The following GRK3 variants were observed in gnomAD, a reference collection of about 807,000 sequenced individuals.
The protein encoded by GRK3 is adrenergic, beta, receptor kinase 2.
Under a neutral mutation model 95.7 loss-of-function variants are expected in GRK3, and 54 were observed. The observed-to-expected ratio is 0.56, with a 90% CI of 0.45 to 0.71. The LOEUF (loss-of-function observed/expected upper bound fraction) is 0.71, where lower values mean the gene tolerates loss of function less well. GRK3 is among the 30% of genes least tolerant of loss of function. GRK3 has a pLI of 0.00. For missense variants in GRK3, 649 were observed against 851.2 expected (o/e 0.76, Z 2.96); for synonymous variants, 281 against 290.8 (o/e 0.97, Z 0.34).
rs1052259317 is a variant in GRK3, at chr22:25,723,514, A to T, written c.*1064A>T. Reference sequence around the variant, plus strand: ...CTGTCATGAATGAATGATACTTTGCACTGGGCTGTACGACAGTGAGGACCT... The same window carrying T: ...CTGTCATGAATGAATGATACTTTGCTCTGGGCTGTACGACAGTGAGGACCT... On this transcript the variant is annotated 3_prime_UTR_variant, in exon 21 of 21. Transcript: ENST00000324198. 2 of 152,186 alleles carry T rather than the reference A, an allele frequency of 1.3e-5. No individual in the cohort carries two copies. Among genetic ancestry groups the T allele is most frequent in the South Asian group, 2.1e-4 (1 of 4,830 alleles). The allele number at this position is 152,186 out of a possible 1,614,324, so 9.4% of individuals were successfully genotyped here.
At chr22:25,701,787 G>A (rs929806199) in intron 13 of GRK3, among the ~76,000 whole-genome samples, 4 of 152,118 alleles carry the variant, frequency 2.6e-5, no homozygotes, top group Non-Finnish European at 4.4e-5. Context: ...GAACATCGTC[G>A]GGTGGAAACA....
intron 12 of GRK3, 134 bp from the exon 13 acceptor site, chr22:25,694,973 G>A: frequency 1.7e-6 from 1 of 584,512 alleles, no homozygotes. Flanking sequence ...CACGTTTGCG[G>A]TGAAGCACAA....
In GRK3 at chr22:25,564,930, G is replaced by C. The variant is rs964481505; in HGVS notation, c.-111G>C. ...CGGGGCGGGGGCGCGCGGAGGGGGG[G>C]GCTGCCCCGGGGCGGCCCCCCCAGG... On this transcript the variant is annotated 5_prime_UTR_variant, in exon 1 of 21. Transcript: ENST00000324198. The C allele has an allele frequency of 2.1e-4, 34 of 160,360 alleles. 1 individual carries two copies. The highest frequency in any genetic ancestry group is 1.9e-3 in the South Asian group (10 of 5,206). 9.9% of individuals were successfully genotyped at this position (160,360 alleles called of 1,614,324 possible). A position where few individuals can be genotyped will look rare whatever the true frequency, so the allele number is the denominator to read the frequency against.
At chr22:25,711,856 G>A (rs1049226707) in intron 17 of GRK3, among the ~76,000 whole-genome samples, 4 of 152,066 alleles carry the variant, frequency 2.6e-5, no homozygotes, top group Non-Finnish European at 4.4e-5. Context: ...ACACAAACCC[G>A]CGTTGCCTTC....
Position 25,724,115 on chromosome 22 carries a change from A to AACACACACACACACACACAC in GRK3, c.*1682_*1701dup, listed in dbSNP as rs60731107. 49 of 144,650 alleles carry AACACACACACACACACACAC rather than the reference A, an allele frequency of 3.4e-4. No individual in the cohort carries two copies. The highest frequency in any genetic ancestry group is 1.1e-3 in the African/African-American group (45 of 39,408). 9.0% of individuals were successfully genotyped at this position (144,650 alleles called of 1,614,324 possible). ...AAGAATAGTATTCAAATTCTGTTGA[A>AACACACACACACACACACAC]ACACACACACACACACACACACACA... On this transcript the variant is annotated 3_prime_UTR_variant, in exon 21 of 21. Coordinates refer to ENST00000324198, the MANE Select transcript of GRK3 (RefSeq NM_005160.4).
chr22:25,649,743 T>C (rs2084814700), intron 3 of GRK3, among the ~76,000 whole-genome samples: 1 of 152,222 alleles, frequency 6.6e-6, no homozygotes, highest in Non-Finnish European at 1.5e-5. Flanking sequence ...ATAGGCAATC[T>C]TAATATATGC....
chr22:25,608,846 G>T (rs2084473182), intron 2 of GRK3, among the ~76,000 whole-genome samples: 1 of 152,240 alleles, frequency 6.6e-6, no homozygotes, highest in African/African-American at 2.4e-5. Context: ...ACTGTGAGAT[G>T]ATACGTGGGT....
intron 19 of GRK3, among the ~76,000 whole-genome samples, chr22:25,719,484 G>A (rs1413166805): frequency 1.3e-5 from 2 of 152,170 alleles, no homozygotes; most frequent in Non-Finnish European, 2.9e-5. Flanking sequence ...GAATTTGTAG[G>A]TGGATCATAC....
intron 2 of GRK3, among the ~76,000 whole-genome samples, chr22:25,641,475 C>T (rs1250946795): frequency 6.6e-6 from 1 of 152,198 alleles, no homozygotes; most frequent in East Asian, 1.9e-4. Context: ...GTACCCTATG[C>T]ATTGCAGCTT....
intron 10 of GRK3, among the ~76,000 whole-genome samples, chr22:25,686,721 G>A (rs1449088062): frequency 6.6e-6 from 1 of 152,116 alleles, no homozygotes; most frequent in Non-Finnish European, 1.5e-5. Flanking sequence ...CAAGCAGATA[G>A]CAACATTGAA....
chr22:25,582,944 A>G (rs1221935882), intron 1 of GRK3, among the ~76,000 whole-genome samples: 1 of 152,260 alleles, frequency 6.6e-6, no homozygotes, highest in African/African-American at 2.4e-5. Context: ...GAGGACATGA[A>G]TGAAAAGTTG....
At chr22:25,699,149 G>A (rs535862647) in intron 13 of GRK3, among the ~76,000 whole-genome samples, 1 of 152,218 alleles carries the variant, frequency 6.6e-6, no homozygotes, top group South Asian at 2.1e-4. Flanking sequence ...GTGAACAAGG[G>A]GATAATGCCA....
chr22:25,580,847 G>A (rs112500563), intron 1 of GRK3, among the ~76,000 whole-genome samples: 9 of 152,320 alleles, frequency 5.9e-5, no homozygotes, highest in African/African-American at 2.2e-4. Context: ...GGGATAAGTC[G>A]AGTGGAGTGG....
rs543714628 is a variant in GRK3, at chr22:25,596,519, A to G, written c.114-7858A>G. On this transcript the variant is annotated intron_variant, in intron 1 of 20. Coordinates refer to ENST00000324198, the MANE Select transcript of GRK3 (RefSeq NM_005160.4). ...ATTAGCAATTTCAAAAAAATTTAAA[A>G]TTATCATTTGATTTATTCCCTCAGA... 1.1e-4 allele frequency among the ~76,000 whole-genome samples: 17 copies of G among 152,358 alleles called. No individual in the cohort carries two copies. In the East Asian group the frequency reaches 3.3e-3, roughly 29 times the overall value.
intron 17 of GRK3, 66 bp downstream of exon 17, chr22:25,711,229 A>T: frequency 9.1e-7 from 1 of 1,094,038 alleles, no homozygotes; most frequent in Non-Finnish European, 1.3e-6. Flanking sequence ...TTGGAAATCA[A>T]ACTTAGTGGT....
chr22:25,702,069 C>CT (rs922374449), intron 13 of GRK3, among the ~76,000 whole-genome samples: 4 of 150,416 alleles, frequency 2.7e-5, no homozygotes, highest in Non-Finnish European at 5.9e-5. Flanking sequence ...TTGCTGGGTG[C>CT]TAATTTACCT....
chr22:25,601,427 A>G (rs996026904), intron 1 of GRK3, among the ~76,000 whole-genome samples: 18 of 152,234 alleles, frequency 1.2e-4, no homozygotes, highest in Non-Finnish European at 2.6e-4. Context: ...CAAGGAAGAA[A>G]TCTCAAGGGA....
chr22:25,703,339 G>A (rs1454130603), intron 13 of GRK3, among the ~76,000 whole-genome samples, 171 bp from the exon 14 acceptor site: 1 of 152,162 alleles, frequency 6.6e-6, no homozygotes, highest in East Asian at 1.9e-4. Context: ...TCAGGACCTA[G>A]CATTTATTCA....
rs1390005075 is a variant in GRK3, at chr22:25,564,823, G to C, written c.-218G>C. ...GGCGCCGGGCGGCGCGCGAGGGGGC[G>C]GAGCGGGGAGGCGTGCTGCGACCCC... On this transcript the variant is annotated 5_prime_UTR_variant, in exon 1 of 21. Coordinates refer to ENST00000324198, the MANE Select transcript of GRK3 (RefSeq NM_005160.4). The C allele has an allele frequency of 1.4e-5, 2 of 147,524 alleles. No homozygotes were observed. Among genetic ancestry groups the C allele is most frequent in the Non-Finnish European group, 3.0e-5 (2 of 66,382 alleles). 9.1% of individuals were successfully genotyped at this position (147,524 alleles called of 1,614,324 possible). A position where few individuals can be genotyped will look rare whatever the true frequency, so the allele number is the denominator to read the frequency against.
Sources: gnomAD v4.1 joint callset for allele counts (sites outside exome capture counted in the v4.1 genomes callset) on GRCh38, gnomAD v4.1.1 for gene constraint, MANE v1.5 for transcripts, NCBI Gene and HGNC (gene_info 2026-07-23, HGNC 2026-07-21) for gene names.